Variants in NBAS observed in about 807,000 individuals in gnomAD.
NBAS encodes the protein NAG/BC035112 fusion.
NBAS carries 219 observed loss-of-function variants against 302.5 expected under a neutral mutation model. That is an observed-to-expected ratio of 0.72 (90% CI 0.65 to 0.81). The LOEUF is 0.81. NBAS is among the 30% of genes least tolerant of loss of function. The pLI, the probability that NBAS is intolerant of heterozygous loss-of-function variation, is 0.00. For synonymous variants in NBAS, 1,118 were observed against 1,021.6 expected, an observed-to-expected ratio of 1.09 and a Z score of -1.80; for missense variants, 2,932 against 2,841.6, an observed-to-expected ratio of 1.03 and a Z score of -0.72.
At chr2:15,424,152 G>T (rs900731416) in intron 23 of NBAS, among the ~76,000 whole-genome samples, 163 bp downstream of exon 23, 29 of 152,180 alleles carry the variant, frequency 1.9e-4, no homozygotes, top group Non-Finnish European at 2.5e-4. Flanking sequence ...GCCACAAAAC[G>T]TTCTAATGCA....
At chr2:15,485,389 T>C (rs752850847) in intron 12 of NBAS, among the ~76,000 whole-genome samples, 8 of 152,250 alleles carry the variant, frequency 5.3e-5, no homozygotes, top group Non-Finnish European at 1.0e-4. Flanking sequence ...AACACAAGTA[T>C]TGTGGGAAAA....
At chr2:15,507,741 G>A (rs1487770650) in intron 10 of NBAS, among the ~76,000 whole-genome samples, 11 of 152,150 alleles carry the variant, frequency 7.2e-5, no homozygotes, top group East Asian at 5.8e-4. Flanking sequence ...CATATGCAGC[G>A]AATCCCTTGA....
the NBAS span, among the ~76,000 whole-genome samples, chr2:15,009,862 A>G: frequency 6.6e-6 from 1 of 151,964 alleles, no homozygotes; most frequent in Non-Finnish European, 1.5e-5. Context: ...AGTTTGCAAC[A>G]CAGAACTAGA....
At chr2:15,117,803 T>C in the NBAS span, among the ~76,000 whole-genome samples, 1 of 152,220 alleles carries the variant, frequency 6.6e-6, no homozygotes, top group East Asian at 1.9e-4. Flanking sequence ...CCCAACCTCC[T>C]CCCACTCCTG....
the NBAS span, among the ~76,000 whole-genome samples, chr2:15,154,033 T>C: frequency 6.6e-6 from 1 of 152,238 alleles, no homozygotes; most frequent in Non-Finnish European, 1.5e-5. Flanking sequence ...TAAAGGGCTG[T>C]GAAGCATATC....
the NBAS span, among the ~76,000 whole-genome samples, chr2:15,019,328 CA>C: frequency 6.6e-6 from 1 of 152,006 alleles, no homozygotes; most frequent in Non-Finnish European, 1.5e-5. Context: ...ATAATTAAGC[CA>C]AAATTGAAGG....
At chr2:15,466,535 G>A (rs929223018) in intron 19 of NBAS, among the ~76,000 whole-genome samples, 2 of 152,272 alleles carry the variant, frequency 1.3e-5, no homozygotes, top group African/African-American at 4.8e-5. Flanking sequence ...ATCTATGTTT[G>A]TGTCCCTGAA....
chr2:14,796,125 G>A, the NBAS span, among the ~76,000 whole-genome samples: 1 of 152,274 alleles, frequency 6.6e-6, no homozygotes, highest in African/African-American at 2.4e-5. Flanking sequence ...CCACTGAATT[G>A]CTATGGAAAA....
chr2:14,894,286 C>T, the NBAS span, among the ~76,000 whole-genome samples: 432 of 152,162 alleles, frequency 2.8e-3, 3 homozygotes, highest in Non-Finnish European at 3.7e-3. Flanking sequence ...AGAGGCTTCC[C>T]GATGATTGGA....
the NBAS span, among the ~76,000 whole-genome samples, chr2:14,825,965 G>T: frequency 6.6e-6 from 1 of 152,198 alleles, no homozygotes; most frequent in Non-Finnish European, 1.5e-5. Context: ...AGAGGTTATG[G>T]ATAATAATAC....
the NBAS span, among the ~76,000 whole-genome samples, chr2:15,054,658 C>G: frequency 6.6e-6 from 1 of 152,150 alleles, no homozygotes; most frequent in African/African-American, 2.4e-5. Flanking sequence ...ATCCTTCAGA[C>G]CAACATAGAA....
intron 5 of NBAS, 48 bp from the exon 6 acceptor site, chr2:15,551,584 T>G: frequency 6.9e-7 from 1 of 1,444,446 alleles, no homozygotes; most frequent in Non-Finnish European, 9.6e-7. Context: ...TAACACTGTA[T>G]AGAACCATAA....
At chr2:14,918,312 C>CAAAA in the NBAS span, among the ~76,000 whole-genome samples, 1 of 103,530 alleles carries the variant, frequency 9.7e-6, no homozygotes, top group Admixed American at 1.1e-4. Context: ...GAAATCCATG[C>CAAAA]AAAAAAAAAA....
In NBAS at chr2:15,297,608, T is replaced by G. The variant is rs142094733; in HGVS notation, c.4798-4842A>C. Among the ~76,000 whole-genome samples, 4 of 152,326 alleles carry G rather than the reference T, an allele frequency of 2.6e-5. No homozygotes were observed. The East Asian group carries it at 7.7e-4, about 29-fold the overall frequency. ...CGCCTTCTGCCATGATTGCCAAGTT[T>G]TCTGAGGCCTCCCAGCCATGCTTCC... On this transcript the variant is annotated intron_variant, in intron 40 of 51. Transcript: ENST00000281513.
At chr2:14,834,819 G>C in the NBAS span, among the ~76,000 whole-genome samples, 1 of 152,052 alleles carries the variant, frequency 6.6e-6, no homozygotes, top group Non-Finnish European at 1.5e-5. Flanking sequence ...ACATAAGTCA[G>C]TACAAGCTTA....
At chr2:14,828,450 G>C in the NBAS span, among the ~76,000 whole-genome samples, 3 of 152,128 alleles carry the variant, frequency 2.0e-5, no homozygotes, top group Non-Finnish European at 4.4e-5. Context: ...GGTGGAAAAA[G>C]GAGGAGAGGT....
chr2:14,927,359 T>C, the NBAS span, among the ~76,000 whole-genome samples: 1 of 152,246 alleles, frequency 6.6e-6, no homozygotes, highest in African/African-American at 2.4e-5. Flanking sequence ...ACTCAGCATA[T>C]TATCTTCAAG....
intron 21 of NBAS, among the ~76,000 whole-genome samples, chr2:15,440,125 G>A (rs1245568944): frequency 6.6e-6 from 1 of 152,228 alleles, no homozygotes; most frequent in Non-Finnish European, 1.5e-5. Context: ...AGACTTAAAT[G>A]TCCATGTCTG....
chr2:15,029,912 A>G, the NBAS span, among the ~76,000 whole-genome samples: 1 of 152,252 alleles, frequency 6.6e-6, no homozygotes. Context: ...CTTTCAACAC[A>G]GACTCTCGAA....
Sources: gnomAD v4.1 joint callset for allele counts (sites outside exome capture counted in the v4.1 genomes callset) on GRCh38, gnomAD v4.1.1 for gene constraint, MANE v1.5 for transcripts, NCBI Gene and HGNC (gene_info 2026-07-23, HGNC 2026-07-21) for gene names.